WWC1: variants seen among roughly 807,000 people sequenced by gnomAD.
WWC1 encodes the protein protein KIBRA.
WWC1 carries 55 observed loss-of-function variants against 138.4 expected under a neutral mutation model. The observed-to-expected ratio is 0.40, with a 90% confidence interval of 0.32 to 0.50. WWC1 has a LOEUF of 0.50. Among genes scored for constraint, WWC1 ranks in the 20% least tolerant of loss-of-function variants. WWC1 has a pLI of 0.72. For missense variants in WWC1, 1,226 were observed against 1,420.4 expected (o/e 0.86, Z 2.20); for synonymous variants, 524 against 564.9 (o/e 0.93, Z 1.03).
In WWC1 at chr5:168,431,281, C is replaced by T; in HGVS notation, c.2117C>T (p.Ser706Phe). Residue 706 changes from serine to phenylalanine, a missense_variant, in exon 15 of 23, where the codon TCT becomes TTT. Ser to Phe is a radical substitution (Grantham distance 155). Transcript: ENST00000265293. ...ATCCGCGTGGCTGTCCTTCCTTGCT[C>T]TGAAAGCACAACCTGCCTGTTCCGG... ...VNIRVAVLPCSESTTCLFRTR... is the reference protein window; with the variant it reads ...VNIRVAVLPCFESTTCLFRTR... 1 of 1,613,954 alleles carries T rather than the reference C, an allele frequency of 6.2e-7. No homozygotes were observed. The highest frequency in any genetic ancestry group is 1.3e-5 in the African/African-American group (1 of 75,048).
chr5:168,384,454 G>A (rs1250464459), intron 2 of WWC1, among the ~76,000 whole-genome samples: 1 of 152,162 alleles, frequency 6.6e-6, no homozygotes, highest in South Asian at 2.1e-4. Flanking sequence ...ACATTTTAAG[G>A]CTCTTAATTT....
At chr5:168,430,897 G>A (rs561812929) in intron 14 of WWC1, among the ~76,000 whole-genome samples, 7 of 152,304 alleles carry the variant, frequency 4.6e-5, no homozygotes, top group South Asian at 4.1e-4. Context: ...GCAGGAAGGC[G>A]GACAAAACGG....
At chr5:168,339,930 T>G (rs1773875866) in intron 1 of WWC1, among the ~76,000 whole-genome samples, 1 of 143,530 alleles carries the variant, frequency 7.0e-6, no homozygotes, top group African/African-American at 2.8e-5. Context: ...TCTCTTTCTC[T>G]CTTTCTCTCT....
rs147844350 is a variant in WWC1 at position 168,441,923 on chromosome 5, G to A, written c.2433+89G>A. ...CTCTCCCAGAACTGGAGGTGATCAG[G>A]CGTCATGAGAGGAGAACAATGGGGT... is the stretch of plus-strand genomic sequence containing the variant. On this transcript the variant is annotated intron_variant, in intron 16 of 22. Transcript: ENST00000265293. 34 of 1,509,384 alleles carry A rather than the reference G, an allele frequency of 2.3e-5. No individual in the cohort carries two copies. In the South Asian group the frequency reaches 3.2e-4, roughly 14 times the overall value. The allele number at this position is 1,509,384 out of a possible 1,614,324, so 93.5% of individuals were successfully genotyped here. A position where few individuals can be genotyped will look rare whatever the true frequency, so the allele number is the denominator to read the frequency against.
At chr5:168,371,573 A>T (rs376220622) in intron 2 of WWC1, 40 bp downstream of exon 2, 1 of 1,484,674 alleles carries the variant, frequency 6.7e-7, no homozygotes, top group South Asian at 1.2e-5. Flanking sequence ...TGCCCTCTTC[A>T]TCCCTCCACC....
intron 1 of WWC1, among the ~76,000 whole-genome samples, chr5:168,300,083 T>A (rs1769927576): frequency 6.6e-6 from 1 of 152,104 alleles, no homozygotes; most frequent in East Asian, 1.9e-4. Flanking sequence ...GGCAAAAAAC[T>A]CCCGTCTTGC....
chr5:168,440,795 G>C (rs4976551), intron 15 of WWC1, among the ~76,000 whole-genome samples: 32,136 of 152,052 alleles, frequency 0.21, 3,781 homozygotes, highest in East Asian at 0.4. Context: ...GGGATTACAG[G>C]CGTGAGCCAC....
At chr5:168,334,410 C>T (rs1475280200) in intron 1 of WWC1, among the ~76,000 whole-genome samples, 1 of 152,156 alleles carries the variant, frequency 6.6e-6, no homozygotes, top group African/African-American at 2.4e-5. Flanking sequence ...TAGAGACTTG[C>T]AAATGCTGGC....
At chr5:168,406,944 A>AAAATAAATAAAT (rs199720935) in intron 6 of WWC1, among the ~76,000 whole-genome samples, 9 of 151,562 alleles carry the variant, frequency 5.9e-5, no homozygotes, top group African/African-American at 2.2e-4. Context: ...TCTGTCTCAA[A>AAAATAAATAAAT]AAATAAATAA....
chr5:168,392,278 C>A (rs1314232443), intron 3 of WWC1, among the ~76,000 whole-genome samples: 1 of 152,108 alleles, frequency 6.6e-6, no homozygotes, highest in Non-Finnish European at 1.5e-5. Context: ...GGTCATTACC[C>A]TCTAGGCTGG....
At chr5:168,409,483 G>T (rs1430942473) in intron 7 of WWC1, among the ~76,000 whole-genome samples, 1 of 152,186 alleles carries the variant, frequency 6.6e-6, no homozygotes, top group Non-Finnish European at 1.5e-5. Flanking sequence ...GAGTGCAGGG[G>T]TCTTCTCCCC....
intron 1 of WWC1, among the ~76,000 whole-genome samples, chr5:168,313,147 CT>C (rs34818412): frequency 0.35 from 52,681 of 151,844 alleles, 9,518 homozygotes; most frequent in Admixed American, 0.41. Context: ...GTAAATTGCT[CT>C]GAATGCTCAT....
chr5:168,419,085 T>C (rs573177250), intron 9 of WWC1, among the ~76,000 whole-genome samples: 2 of 152,290 alleles, frequency 1.3e-5, no homozygotes, highest in Admixed American at 1.3e-4. Flanking sequence ...TAGAGCAAGC[T>C]CTGGTCTTTA....
intron 1 of WWC1, among the ~76,000 whole-genome samples, chr5:168,362,061 C>T (rs1775920549): frequency 6.6e-6 from 1 of 152,050 alleles, no homozygotes; most frequent in Non-Finnish European, 1.5e-5. Context: ...CCAGCCTGGG[C>T]AACAAGAGTG....
Position 168,464,719 on chromosome 5 carries a change from AC to A in WWC1, c.2917-5del. 6.2e-7 allele frequency: 1 copy of A among 1,613,854 alleles called. No individual in the cohort carries two copies. Among genetic ancestry groups the A allele is most frequent in the Non-Finnish European group, 8.5e-7 (1 of 1,179,952 alleles). On this transcript the variant is annotated splice_polypyrimidine_tract_variant and intron_variant, in intron 20 of 22. Transcript: ENST00000265293. Reference sequence around the variant, plus strand: ...TCTAATAACAAGAGAAGCCGTCCCCACCCCCACAGCCTTCCTCGGTCAAGTC... The same window carrying A: ...TCTAATAACAAGAGAAGCCGTCCCCACCCCACAGCCTTCCTCGGTCAAGTC...
At chr5:168,461,731 G>A (rs147128847) in intron 20 of WWC1, among the ~76,000 whole-genome samples, 21 of 152,312 alleles carry the variant, frequency 1.4e-4, no homozygotes, top group African/African-American at 5.1e-4. Context: ...TAATGAGTTT[G>A]CAGAACCAGA....
At chr5:168,326,534 T>TTTG (rs555709454) in intron 1 of WWC1, among the ~76,000 whole-genome samples, 54 of 148,620 alleles carry the variant, frequency 3.6e-4, no homozygotes, top group Admixed American at 1.1e-3. Context: ...GATAGTGTTA[T>TTTG]TTGTTGTTGT....
intron 1 of WWC1, among the ~76,000 whole-genome samples, chr5:168,301,237 A>C (rs953684442): frequency 1.3e-5 from 2 of 152,224 alleles, no homozygotes; most frequent in Non-Finnish European, 2.9e-5. Context: ...TGTTCCACCC[A>C]AACATGGGAT....
intron 2 of WWC1, among the ~76,000 whole-genome samples, chr5:168,375,502 G>A (rs181469190): frequency 7.3e-4 from 111 of 152,258 alleles, no homozygotes; most frequent in African/African-American, 2.6e-3. Flanking sequence ...ACTAGAGTGA[G>A]TCTAAAAGAA....
Sources: allele counts gnomAD v4.1 joint callset (sites outside exome capture counted in the v4.1 genomes callset), GRCh38; gene constraint gnomAD v4.1.1; transcripts MANE v1.5; gene names NCBI Gene and HGNC (gene_info 2026-07-23, HGNC 2026-07-21).